Variants in NBAS observed in about 807,000 individuals in gnomAD.
The protein encoded by NBAS is NBAS subunit of NRZ tethering complex.
NBAS carries 219 observed loss-of-function variants against 302.5 expected under a neutral mutation model. The observed-to-expected ratio is 0.72, with a 90% CI of 0.65 to 0.81. NBAS has a LOEUF of 0.81. Among genes scored for constraint, NBAS ranks in the 30% least tolerant of loss-of-function variants. NBAS has a pLI of 0.00. For synonymous variants in NBAS, 1,118 were observed against 1,021.6 expected (o/e 1.09, Z -1.80); for missense variants, 2,932 against 2,841.6 (o/e 1.03, Z -0.72).
chr2:15,561,057 G>T, intron 1 of NBAS, 131 bp downstream of exon 1: 1 of 582,652 alleles, frequency 1.7e-6, no homozygotes, highest in Non-Finnish European at 3.2e-6. Context: ...TTGCCAAGGC[G>T]ACCGCACAAG....
intron 45 of NBAS, among the ~76,000 whole-genome samples, chr2:15,236,236 T>C (rs945059406): frequency 6.6e-6 from 1 of 152,068 alleles, no homozygotes; most frequent in African/African-American, 2.4e-5. Context: ...ATAATCCCCT[T>C]GAATCCCCCC....
At chr2:15,242,411 T>C (rs143826805) in intron 44 of NBAS, among the ~76,000 whole-genome samples, 47 of 152,320 alleles carry the variant, frequency 3.1e-4, no homozygotes, top group Non-Finnish European at 5.9e-4. Flanking sequence ...AATGATATTA[T>C]GATTAAAAAT....
intron 35 of NBAS, among the ~76,000 whole-genome samples, chr2:15,331,446 T>G (rs1039481037): frequency 2.6e-5 from 4 of 152,208 alleles, no homozygotes; most frequent in Admixed American, 1.3e-4. Context: ...AAGAAAAATA[T>G]TATTTGTTCT....
intron 51 of NBAS, chr2:15,178,106 C>T (rs1269269182): frequency 4.3e-6 from 2 of 470,006 alleles, no homozygotes; most frequent in Non-Finnish European, 8.8e-6. Flanking sequence ...GAGTAGCAAG[C>T]ATATACCTCT....
rs748675036 is a variant in NBAS at position 15,561,248 on chromosome 2, C to A, written c.57G>T (p.Glu19Asp). ...CCAACAAGTCATAGAGAATCGTCTCCTCCTCACCCTCTGCAGTGCCTGGAC... is the reference window on the plus strand; with the variant it reads ...CCAACAAGTCATAGAGAATCGTCTCATCCTCACCCTCTGCAGTGCCTGGAC... ...ALSPGTAEGE[E>D]ETILYDLLVN... Residue 19 changes from glutamate to aspartate, a missense_variant, in exon 1 of 52, where the codon GAG becomes GAT. By Grantham distance (45) the Glu-to-Asp change is conservative (BLOSUM62 2). Transcript: ENST00000281513. The A allele has an allele frequency of 1.9e-6, 3 of 1,614,016 alleles. No homozygotes were observed. The South Asian group carries it at 3.3e-5, about 18-fold the overall frequency.
intron 9 of NBAS, among the ~76,000 whole-genome samples, chr2:15,522,722 G>C (rs1356196163): frequency 3.3e-5 from 5 of 152,336 alleles, no homozygotes; most frequent in South Asian, 2.1e-4. Context: ...GTTGACCCCT[G>C]AATACCACAG....
the NBAS span, among the ~76,000 whole-genome samples, chr2:14,812,460 T>C: frequency 6.6e-6 from 1 of 152,226 alleles, no homozygotes; most frequent in Non-Finnish European, 1.5e-5. Context: ...TAAAACACCC[T>C]GTACATTTCC....
chr2:15,421,852 T>G (rs1215747276), intron 23 of NBAS, among the ~76,000 whole-genome samples: 1 of 152,178 alleles, frequency 6.6e-6, no homozygotes, highest in African/African-American at 2.4e-5. Context: ...GTTTCAGCTT[T>G]GCCATAAAAT....
chr2:15,216,761 A>G (rs1490361816), intron 48 of NBAS, among the ~76,000 whole-genome samples: 4 of 152,168 alleles, frequency 2.6e-5, no homozygotes, highest in Non-Finnish European at 4.4e-5. Flanking sequence ...GGTAATATGG[A>G]CATTTTCCCC....
At chr2:15,195,581 T>C (rs1313389785) in intron 48 of NBAS, among the ~76,000 whole-genome samples, 1 of 152,092 alleles carries the variant, frequency 6.6e-6, no homozygotes, top group African/African-American at 2.4e-5. Context: ...TCCACTCCCT[T>C]GACACCAGGA....
chr2:14,967,465 A>G, the NBAS span, among the ~76,000 whole-genome samples: 3 of 152,238 alleles, frequency 2.0e-5, no homozygotes, highest in Non-Finnish European at 2.9e-5. Flanking sequence ...AAAACAGCAT[A>G]GAAAAGTTAG....
the NBAS span, among the ~76,000 whole-genome samples, chr2:15,078,323 T>C: frequency 6.6e-6 from 1 of 152,198 alleles, no homozygotes; most frequent in Non-Finnish European, 1.5e-5. Context: ...ATTATAAACA[T>C]AATGGGCATA....
chr2:14,855,054 A>C, the NBAS span, among the ~76,000 whole-genome samples: 1 of 151,916 alleles, frequency 6.6e-6, no homozygotes, highest in Non-Finnish European at 1.5e-5. Context: ...AGTGGTGAGA[A>C]CTTTGTCTTG....
chr2:14,881,149 T>C, the NBAS span, among the ~76,000 whole-genome samples: 2 of 152,198 alleles, frequency 1.3e-5, no homozygotes, highest in Non-Finnish European at 2.9e-5. Flanking sequence ...TGGTATACTA[T>C]GCAGCCATAA....
At chr2:15,400,140 G>A (rs1284786720) in intron 26 of NBAS, among the ~76,000 whole-genome samples, 1 of 151,874 alleles carries the variant, frequency 6.6e-6, no homozygotes, top group Non-Finnish European at 1.5e-5. Flanking sequence ...ACGAAGTCCC[G>A]GGATAATAGA....
chr2:14,779,664 A>G, the NBAS span, among the ~76,000 whole-genome samples: 1 of 151,630 alleles, frequency 6.6e-6, no homozygotes, highest in African/African-American at 2.4e-5. Context: ...TTAAAATAAC[A>G]CCCCTGCCAC....
intron 25 of NBAS, among the ~76,000 whole-genome samples, chr2:15,406,103 T>TAAAAAAAAAAAAAAAAAAAAAAAA (rs71400653): frequency 1.7e-5 from 2 of 115,066 alleles, no homozygotes; most frequent in Admixed American, 8.7e-5. Context: ...CAATAACATG[T>TAAAAAAAAAAAAAAAAAAAAAAAA]AAAAAAAAAA....
intron 31 of NBAS, among the ~76,000 whole-genome samples, chr2:15,373,747 A>G (rs567691980): frequency 6.6e-6 from 1 of 152,296 alleles, no homozygotes; most frequent in South Asian, 2.1e-4. Flanking sequence ...CCAGCTCTAA[A>G]CACTACACAG....
intron 29 of NBAS, among the ~76,000 whole-genome samples, chr2:15,380,807 A>T (rs1049808985): frequency 3.3e-5 from 5 of 152,180 alleles, no homozygotes; most frequent in African/African-American, 1.2e-4. Context: ...ATTTTTAAAA[A>T]GTAACATTTA....
Sources: gnomAD v4.1 joint callset for allele counts (sites outside exome capture counted in the v4.1 genomes callset) on GRCh38, gnomAD v4.1.1 for gene constraint, MANE v1.5 for transcripts, NCBI Gene and HGNC (gene_info 2026-07-23, HGNC 2026-07-21) for gene names.